EML5: variants seen among roughly 807,000 people sequenced by gnomAD.
EML5 encodes the protein echinoderm microtubule-associated protein-like 5.
In EML5, 120 loss-of-function variants were observed where a neutral mutation model predicts 250.0. That is an observed-to-expected ratio of 0.48 (90% CI 0.41 to 0.56). EML5 has a LOEUF of 0.56. Ranked by LOEUF, EML5 falls within the 20% of genes least tolerant of loss-of-function variation. The pLI is 0.00. For synonymous variants in EML5, 771 were observed against 806.5 expected (o/e 0.96, Z 0.75); for missense variants, 2,006 against 2,437.6 (o/e 0.82, Z 3.73).
intron 32 of EML5, among the ~76,000 whole-genome samples, chr14:88,636,959 T>C (rs1380945902): frequency 6.6e-6 from 1 of 152,130 alleles, no homozygotes; most frequent in African/African-American, 2.4e-5. Context: ...CAAGATTCTA[T>C]CCAGGAAAAA....
In EML5 at chr14:88,620,475, C is replaced by G. The variant is rs2088695870; in HGVS notation, c.5375+279G>C. ...TCTTGTATTACAGTGGGAGATACCTCTTGGTGGGATGAACTTAATGGACAT... is the reference window on the plus strand; with the variant it reads ...TCTTGTATTACAGTGGGAGATACCTGTTGGTGGGATGAACTTAATGGACAT... On this transcript the variant is annotated intron_variant, in intron 39 of 43. Coordinates refer to ENST00000554922, the MANE Select transcript of EML5 (RefSeq NM_183387.3). The surrounding 1 kb of genome is among the most constrained non-coding windows in gnomAD (Gnocchi z 4.3). 3.6e-6 allele frequency: 1 copy of G among 274,730 alleles called. No individual in the cohort carries two copies. Among genetic ancestry groups the G allele is most frequent in the Non-Finnish European group, 6.7e-6 (1 of 148,882 alleles). 17.0% of individuals were successfully genotyped at this position (274,730 alleles called of 1,614,324 possible).
chr14:88,642,946 T>C lies in EML5; in HGVS notation c.4184A>G (p.Asp1395Gly), dbSNP rs767563568. Residue 1395 changes from aspartate (D) to glycine (G), a missense_variant, in exon 31 of 44, where the codon GAT becomes GGT. Coordinates refer to ENST00000554922, the MANE Select transcript of EML5 (RefSeq NM_183387.3). ...RNNVHYLNDG[D>G]DIIYHTASVG... ...AGATGCAGTGTGATAAATTATATCA[T>C]CACCATCATTTAAATAGTGAACATT... The C allele has an allele frequency of 1.6e-5, 25 of 1,606,560 alleles. No individual in the cohort carries two copies. Among genetic ancestry groups the C allele is most frequent in the Non-Finnish European group, 2.1e-5 (25 of 1,177,802 alleles).
intron 3 of EML5, among the ~76,000 whole-genome samples, chr14:88,744,898 T>C (rs2093981678): frequency 6.6e-6 from 1 of 152,066 alleles, no homozygotes; most frequent in African/African-American, 2.4e-5. Flanking sequence ...TGCTCTTTAG[T>C]GATAATGAAG....
At chr14:88,681,400 G>A (rs941857276) in intron 21 of EML5, among the ~76,000 whole-genome samples, 3 of 152,218 alleles carry the variant, frequency 2.0e-5, no homozygotes, top group African/African-American at 7.2e-5. Flanking sequence ...CATGAGGTCA[G>A]GAGATTGAGA....
chr14:88,648,430 T>C (rs981320414), intron 28 of EML5, among the ~76,000 whole-genome samples: 1 of 152,152 alleles, frequency 6.6e-6, no homozygotes, highest in African/African-American at 2.4e-5. Context: ...CATGGCTTAC[T>C]TGAGCTTTGA....
chr14:88,618,594 A>G, intron 40 of EML5, 56 bp downstream of exon 40: 1 of 1,552,506 alleles, frequency 6.4e-7, no homozygotes, highest in Non-Finnish European at 8.7e-7. Flanking sequence ...ATTCACTAAC[A>G]CGAAATGTAA....
At chr14:88,647,955 C>G (rs543308622) in intron 28 of EML5, among the ~76,000 whole-genome samples, 1 of 152,146 alleles carries the variant, frequency 6.6e-6, no homozygotes, top group Non-Finnish European at 1.5e-5. Context: ...AGGAAATTGT[C>G]TAAAGAGCCT....
intron 31 of EML5, among the ~76,000 whole-genome samples, chr14:88,640,620 A>G (rs2091009735): frequency 1.3e-5 from 2 of 152,210 alleles, no homozygotes. Context: ...AAGATCCCAA[A>G]TTAACAATCT....
At chr14:88,759,621 C>A (rs1242973448) in intron 1 of EML5, among the ~76,000 whole-genome samples, 1 of 142,946 alleles carries the variant, frequency 7.0e-6, no homozygotes, top group Non-Finnish European at 1.5e-5. Context: ...GAGTTCAAGG[C>A]TGCAGTGAGC....
In EML5 at chr14:88,644,437, A is replaced by G. The variant is rs772669136; in HGVS notation, c.4103T>C (p.Ile1368Thr). ...TNNVGKKKRP[I>T]EDLVLELIFG... ...TGGAGAGTGAGTTTTCCTTACCTCTATAGGTCTCTTTTTCTTGCCTACATT... is the reference window on the plus strand; with the variant it reads ...TGGAGAGTGAGTTTTCCTTACCTCTGTAGGTCTCTTTTTCTTGCCTACATT... The change falls in exon 30 of 44, where the codon ATA becomes ACA. Residue 1368 changes from isoleucine (I) to threonine (T), a missense_variant. Physicochemically the swap from Ile to Thr is moderately conservative, Grantham distance 89. Transcript: ENST00000554922. 36 of 1,613,570 alleles carry G rather than the reference A, an allele frequency of 2.2e-5. 1 individual carries two copies. The Admixed American group carries it at 3.8e-4, about 17-fold the overall frequency.
chr14:88,667,839 T>A (rs893527220), intron 21 of EML5, among the ~76,000 whole-genome samples: 10 of 152,194 alleles, frequency 6.6e-5, no homozygotes, highest in Non-Finnish European at 1.2e-4. Flanking sequence ...ATTTGCGGAC[T>A]TCAGGAAGAT....
At chr14:88,701,172 A>G (rs556756285) in intron 14 of EML5, among the ~76,000 whole-genome samples, 2 of 152,128 alleles carry the variant, frequency 1.3e-5, no homozygotes, top group Non-Finnish European at 2.9e-5. Flanking sequence ...TTTGCCTTCC[A>G]AGGGACATCT....
chr14:88,671,245 G>A (rs780439738), intron 21 of EML5, among the ~76,000 whole-genome samples: 3 of 152,078 alleles, frequency 2.0e-5, no homozygotes, highest in Non-Finnish European at 4.4e-5. Flanking sequence ...AGACACTAGG[G>A]GCCAATATTC....
intron 20 of EML5, 36 bp from the exon 21 acceptor site, chr14:88,682,067 G>T: frequency 6.6e-7 from 1 of 1,524,866 alleles, no homozygotes; most frequent in Non-Finnish European, 8.8e-7. Flanking sequence ...TAGTGTATGT[G>T]TGTGTATATT....
chr14:88,782,858 T>C (rs2094511022), intron 1 of EML5, among the ~76,000 whole-genome samples: 1 of 152,084 alleles, frequency 6.6e-6, no homozygotes, highest in Non-Finnish European at 1.5e-5. Context: ...GGTGGGTGGA[T>C]CACCTGAGGT....
intron 8 of EML5, among the ~76,000 whole-genome samples, chr14:88,719,203 G>T (rs2093551897): frequency 6.6e-6 from 1 of 152,012 alleles, no homozygotes; most frequent in South Asian, 2.1e-4. Context: ...TGGGCAAAAT[G>T]ACAAGACCAC....
At chr14:88,788,965 A>G (rs2094578510) in intron 1 of EML5, among the ~76,000 whole-genome samples, 1 of 151,426 alleles carries the variant, frequency 6.6e-6, no homozygotes, top group Non-Finnish European at 1.5e-5. Flanking sequence ...GGGGAGGCTG[A>G]GGTGGGATGA....
At chr14:88,678,199 C>T (rs2092639041) in intron 21 of EML5, among the ~76,000 whole-genome samples, 1 of 152,110 alleles carries the variant, frequency 6.6e-6, no homozygotes, top group Non-Finnish European at 1.5e-5. Flanking sequence ...AACAGAAAAC[C>T]AAATACTGCA....
At chr14:88,704,497 C>G (rs2093278525) in intron 13 of EML5, among the ~76,000 whole-genome samples, 1 of 152,016 alleles carries the variant, frequency 6.6e-6, no homozygotes, top group African/African-American at 2.4e-5. Flanking sequence ...CTCCATTTTA[C>G]AGACAGAAAA....
Sources: allele counts gnomAD v4.1 joint callset (sites outside exome capture counted in the v4.1 genomes callset), GRCh38; gene constraint gnomAD v4.1.1; non-coding constraint Gnocchi (gnomAD v3.1); transcripts MANE v1.5; gene names NCBI Gene and HGNC (gene_info 2026-07-23, HGNC 2026-07-21).